GINS2: variants seen among roughly 807,000 people sequenced by gnomAD.
GINS2 encodes the protein GINS complex subunit 2.
Under a neutral mutation model 21.2 loss-of-function variants are expected in GINS2, and 23 were observed. That is an observed-to-expected ratio of 1.08 (90% CI 0.78 to 1.53). GINS2 has a LOEUF of 1.53. Ranked by LOEUF, GINS2 falls within the 40% of genes most tolerant of loss-of-function variation. The probability of loss-of-function intolerance (pLI) is 0.00; values close to 1 mark genes in which losing one functional copy is unlikely to be tolerated. For synonymous variants in GINS2, 118 were observed against 85.6 expected, an observed-to-expected ratio of 1.38 and a Z score of -2.09; for missense variants, 323 against 233.9, an observed-to-expected ratio of 1.38 and a Z score of -2.49.
intron 2 of GINS2, among the ~76,000 whole-genome samples, chr16:85,682,958 C>A (rs1026940882): frequency 1.3e-5 from 2 of 152,074 alleles, no homozygotes; most frequent in African/African-American, 4.8e-5. Context: ...AACCCACCAC[C>A]CACCTCTCAC....
At chr16:85,687,349 G>T (rs3815797) in intron 2 of GINS2, 111 bp downstream of exon 2, 2 of 582,414 alleles carry the variant, frequency 3.4e-6, no homozygotes, top group South Asian at 5.2e-5. Flanking sequence ...CGGAACAGAG[G>T]GAGCACGGAC....
intron 4 of GINS2, 59 bp from the exon 5 acceptor site, chr16:85,678,396 A>G: frequency 6.3e-7 from 1 of 1,590,450 alleles, no homozygotes; most frequent in East Asian, 2.2e-5. Flanking sequence ...GAAAAAGGTA[A>G]ACTCTACTGA....
Position 85,678,229 on chromosome 16 carries a change from G to C in GINS2, c.541C>G (p.Gln181Glu), listed in dbSNP as rs747147673. 4 of 1,613,566 alleles carry C rather than the reference G, an allele frequency of 2.5e-6. No individual in the cohort carries two copies. Among genetic ancestry groups the C allele is most frequent in the African/African-American group, 2.7e-5 (2 of 75,032 alleles). The part of the protein sequence containing the change: ...RTNLQPLEST[Q>E]SQDF ...GCCTTTCTCTAGAAGTCCTGAGACT[G>C]AGTACTCTCCAGAGGCTGGAGGTTC... Residue 181 changes from glutamine to glutamate, a missense_variant, in exon 5 of 5, where the codon CAG (glutamine) becomes GAG (glutamate). Gln to Glu is a conservative substitution (Grantham distance 29). Coordinates refer to ENST00000253462, the MANE Select transcript of GINS2 (RefSeq NM_016095.3).
At chr16:85,688,737 G>T in intron 1 of GINS2, 72 bp downstream of exon 1, 1 of 878,104 alleles carries the variant, frequency 1.1e-6, no homozygotes, top group Non-Finnish European at 1.7e-6. Flanking sequence ...CGACCCCGGG[G>T]CTGAAGGCCA....
chr16:85,688,765 C>A, intron 1 of GINS2, 44 bp downstream of exon 1: 2 of 1,274,582 alleles, frequency 1.6e-6, no homozygotes, highest in East Asian at 6.0e-5. Context: ...GCCCCGGACG[C>A]GCCCAGCCCG....
At position 85,688,931 on chromosome 16, in the gene GINS2, T is replaced by A. The variant is rs970308160; in HGVS notation, c.-33A>T. 2.0e-6 allele frequency: 3 copies of A among 1,464,718 alleles called. No individual in the cohort carries two copies. Among genetic ancestry groups the A allele is most frequent in the Non-Finnish European group, 2.8e-6 (3 of 1,079,964 alleles). The allele number at this position is 1,464,718 out of a possible 1,614,324, so 90.7% of individuals were successfully genotyped here. The stretch of plus-strand genomic sequence containing the variant: ...CGAGCTGCAGGCCAGAGCCTCACGG[T>A]CTCCTCGGGCCCCTCAGCGTCCCGG... On this transcript the variant is annotated 5_prime_UTR_variant, in exon 1 of 5. Coordinates refer to ENST00000253462, the MANE Select transcript of GINS2 (RefSeq NM_016095.3).
chr16:85,678,113 C>T lies in GINS2; in HGVS notation c.*99G>A, dbSNP rs1378332635. On this transcript the variant is annotated 3_prime_UTR_variant, in exon 5 of 5. Coordinates refer to ENST00000253462, the MANE Select transcript of GINS2 (RefSeq NM_016095.3). The stretch of plus-strand genomic sequence containing the variant: ...ATTCCTTGCACCATCACACATTTTT[C>T]ATGCATCAGAAGTGTTTCTAGAGCT... 4.0e-6 allele frequency: 4 copies of T among 1,007,364 alleles called. No individual in the cohort carries two copies. The African/African-American group carries it at 6.5e-5, about 16-fold the overall frequency. 62.4% of individuals were successfully genotyped at this position (1,007,364 alleles called of 1,614,324 possible). A position where few individuals can be genotyped will look rare whatever the true frequency, so the allele number is the denominator to read the frequency against.
intron 1 of GINS2, 22 bp downstream of exon 1, chr16:85,688,787 C>T (rs1419654191): frequency 6.9e-7 from 1 of 1,459,656 alleles, no homozygotes; most frequent in South Asian, 1.3e-5. Flanking sequence ...CCTCCCCTCC[C>T]CACGGCGGGC....
chr16:85,680,124 G>C (rs1040306229), intron 3 of GINS2, among the ~76,000 whole-genome samples: 2 of 152,162 alleles, frequency 1.3e-5, no homozygotes, highest in Admixed American at 6.5e-5. Flanking sequence ...ATTCACTATA[G>C]GCTCCCAGGC....
chr16:85,687,642 G>T, intron 1 of GINS2, 68 bp from the exon 2 acceptor site: 1 of 876,622 alleles, frequency 1.1e-6, no homozygotes, highest in Non-Finnish European at 1.7e-6. Context: ...GTGCGTTACT[G>T]CTATCAAATA....
intron 2 of GINS2, among the ~76,000 whole-genome samples, chr16:85,686,506 G>A (rs760209793): frequency 4.6e-5 from 7 of 151,814 alleles, no homozygotes; most frequent in Non-Finnish European, 8.8e-5. Context: ...AGTATATTCA[G>A]ACTTGGGCAA....
intron 2 of GINS2, among the ~76,000 whole-genome samples, chr16:85,686,574 C>A (rs1164901568): frequency 1.3e-5 from 2 of 152,190 alleles, no homozygotes; most frequent in African/African-American, 4.8e-5. Flanking sequence ...CACAATCCCT[C>A]CATCACCCAA....
rs1338975854 is a variant in GINS2 at position 85,677,634 on chromosome 16, C to T, written c.*578G>A. 6.6e-6 allele frequency: 1 copy of T among 152,324 alleles called. No individual in the cohort carries two copies. Among genetic ancestry groups the T allele is most frequent in the Non-Finnish European group, 1.5e-5 (1 of 68,136 alleles). The allele number at this position is 152,324 out of a possible 1,614,324, so 9.4% of individuals were successfully genotyped here. Reference sequence around the variant, plus strand: ...CTCAGCCACAGGCTCAGTCCTTTTACTTGGTAGTTACGCAGCACAAAAACC... The same window carrying T: ...CTCAGCCACAGGCTCAGTCCTTTTATTTGGTAGTTACGCAGCACAAAAACC... On this transcript the variant is annotated 3_prime_UTR_variant, in exon 5 of 5. Coordinates refer to ENST00000253462, the MANE Select transcript of GINS2 (RefSeq NM_016095.3).
rs1458679468 is a variant in GINS2 at position 85,678,004 on chromosome 16, CAG to C, written c.*206_*207del. ...GGGAAAAAGGGCTGGTTTCTAGAAA[CAG>C]ATGTGGAATTGAAGAATGTCCCAGG... On this transcript the variant is annotated 3_prime_UTR_variant, in exon 5 of 5. Coordinates refer to ENST00000253462, the MANE Select transcript of GINS2 (RefSeq NM_016095.3). The C allele has an allele frequency of 8.2e-6, 4 of 490,378 alleles. No homozygotes were observed. Among genetic ancestry groups the C allele is most frequent in the East Asian group, 7.0e-5 (2 of 28,776 alleles). 30.4% of individuals were successfully genotyped at this position (490,378 alleles called of 1,614,324 possible).
intron 2 of GINS2, among the ~76,000 whole-genome samples, chr16:85,684,403 G>C (rs930576065): frequency 6.6e-6 from 1 of 152,202 alleles, no homozygotes; most frequent in African/African-American, 2.4e-5. Context: ...GCTGAGATGG[G>C]AGGATCACTC....
At chr16:85,681,525 G>C in intron 3 of GINS2, 57 bp downstream of exon 3, 4 of 1,007,696 alleles carry the variant, frequency 4.0e-6, no homozygotes, top group Non-Finnish European at 6.3e-6. Context: ...AGGGTTAGGG[G>C]AAGGGCATGG....
At position 85,677,186 on chromosome 16, in the gene GINS2, GT is replaced by G. The variant is rs1567789260; in HGVS notation, c.*1025del. ...CCAATGTGCCCGGCCAAAAATTAAA[GT>G]TTTTTTTAAAGCTGATTACAGAACC... On this transcript the variant is annotated 3_prime_UTR_variant, in exon 5 of 5. Coordinates refer to ENST00000253462, the MANE Select transcript of GINS2 (RefSeq NM_016095.3). The G allele has an allele frequency of 1.3e-5, 2 of 152,048 alleles. No homozygotes were observed. Among genetic ancestry groups the G allele is most frequent in the South Asian group, 2.1e-4 (1 of 4,824 alleles). 9.4% of individuals were successfully genotyped at this position (152,048 alleles called of 1,614,324 possible).
At chr16:85,687,620 A>T in intron 1 of GINS2, 46 bp from the exon 2 acceptor site, 1 of 1,187,758 alleles carries the variant, frequency 8.4e-7, no homozygotes. Flanking sequence ...AAAGAACAAA[A>T]AAAGCATTAC....
chr16:85,682,065 T>C (rs892066213), intron 2 of GINS2, among the ~76,000 whole-genome samples: 1 of 125,852 alleles, frequency 7.9e-6, no homozygotes, highest in Non-Finnish European at 1.6e-5. Context: ...GTCTCTCTCA[T>C]GCCCAGACTG....
Sources: gnomAD v4.1 joint callset for allele counts (sites outside exome capture counted in the v4.1 genomes callset) on GRCh38, gnomAD v4.1.1 for gene constraint, MANE v1.5 for transcripts, NCBI Gene and HGNC (gene_info 2026-07-23, HGNC 2026-07-21) for gene names.